MYO3B: variants seen among roughly 807,000 people sequenced by gnomAD.
MYO3B encodes the protein myosin IIIB, also known as myosin-IIIb.
A neutral mutation model predicts 174.6 loss-of-function variants in MYO3B; 156 were observed. The ratio of observed to expected loss-of-function variants is 0.89; its 90% CI spans 0.78 to 1.02. The LOEUF (loss-of-function observed/expected upper bound fraction) is 1.02, where lower values mean the gene tolerates loss of function less well. Ranked by LOEUF, MYO3B falls within the 50% of genes least tolerant of loss-of-function variation. MYO3B has a pLI of 0.00. For missense variants in MYO3B, 1,632 were observed against 1,639.4 expected, an observed-to-expected ratio of 1.00 and a Z score of 0.08; for synonymous variants, 563 against 569.1, an observed-to-expected ratio of 0.99 and a Z score of 0.15.
At chr2:170,401,440 G>A (rs1174461033) in intron 17 of MYO3B, 41 bp from the exon 18 acceptor site, 2 of 1,569,180 alleles carry the variant, frequency 1.3e-6, no homozygotes, top group East Asian at 2.2e-5. Context: ...ACTGAATGAA[G>A]GTCTGGCTAC....
intron 32 of MYO3B, among the ~76,000 whole-genome samples, chr2:170,603,337 GA>G (rs1326967440): frequency 1.3e-5 from 2 of 151,754 alleles, no homozygotes; most frequent in Non-Finnish European, 2.9e-5. Context: ...TTGCTATTTT[GA>G]AAAAAATCTA....
intron 30 of MYO3B, among the ~76,000 whole-genome samples, chr2:170,534,832 C>T (rs142382186): frequency 1.7e-3 from 253 of 152,296 alleles, no homozygotes; most frequent in African/African-American, 5.7e-3. Flanking sequence ...GACTGTATTT[C>T]ATGAAATATA....
chr2:170,363,425 G>A (rs876779), intron 8 of MYO3B, among the ~76,000 whole-genome samples: 73,545 of 151,594 alleles, frequency 0.49, 19,831 homozygotes, highest in Admixed American at 0.63. Context: ...CCGGTTTTTT[G>A]GTTATGAAAT....
intron 22 of MYO3B, among the ~76,000 whole-genome samples, chr2:170,410,480 C>T (rs977612612): frequency 4.0e-5 from 6 of 150,980 alleles, no homozygotes; most frequent in African/African-American, 1.5e-4. Flanking sequence ...ACTAGGGAGT[C>T]TGGAGCAGGA....
intron 27 of MYO3B, 125 bp downstream of exon 27, chr2:170,499,933 CCCTTCCTTCCTTCCTTCTTTCCTT>C: frequency 4.3e-6 from 3 of 696,814 alleles, no homozygotes; most frequent in Admixed American, 3.0e-5. Flanking sequence ...CTCCCTCCCT[CCCTTCCTTCCTTCCTTCTTTCCTT>C]CCTTCCTTCC....
At chr2:170,621,343 A>G (rs138119587) in intron 32 of MYO3B, among the ~76,000 whole-genome samples, 3 of 152,236 alleles carry the variant, frequency 2.0e-5, no homozygotes, top group African/African-American at 7.2e-5. Flanking sequence ...GGTACATAGT[A>G]AGGGCTCAAT....
intron 32 of MYO3B, among the ~76,000 whole-genome samples, chr2:170,615,999 T>A (rs190165455): frequency 6.6e-6 from 1 of 152,344 alleles, no homozygotes; most frequent in Admixed American, 6.5e-5. Context: ...GATAAGAATT[T>A]ACAATATAGT....
In MYO3B at chr2:170,444,002, G is replaced by T. The variant is rs753999476; in HGVS notation, c.2686G>T (p.Ala896Ser). The T allele has an allele frequency of 3.1e-6, 5 of 1,613,078 alleles. No individual in the cohort carries two copies. Among genetic ancestry groups the T allele is most frequent in the Non-Finnish European group, 4.2e-6 (5 of 1,179,292 alleles). The stretch of plus-strand genomic sequence containing the variant: ...CCAGACAAGAGCTAGGATAACAGTG[G>T]CCTCAAGTTCTTTGCCTCCACATTT... ...LAQTRARITV[A>S]SSSLPPHFSA... The change falls in exon 23 of 35, where the codon GCC becomes TCC. Residue 896 changes from alanine to serine, a missense_variant. Coordinates refer to ENST00000408978, the MANE Select transcript of MYO3B (RefSeq NM_138995.5).
chr2:170,612,590 C>T (rs770248038), intron 32 of MYO3B, among the ~76,000 whole-genome samples: 1 of 152,128 alleles, frequency 6.6e-6, no homozygotes, highest in South Asian at 2.1e-4. Context: ...AAATGAGCAA[C>T]AAGGAACAGA....
chr2:170,549,968 C>T (rs927022712), intron 32 of MYO3B, among the ~76,000 whole-genome samples: 2 of 152,114 alleles, frequency 1.3e-5, no homozygotes, highest in African/African-American at 4.8e-5. Flanking sequence ...TCTCAAAGGC[C>T]GCATAATCTC....
At chr2:170,383,472 C>T (rs561055930) in intron 11 of MYO3B, among the ~76,000 whole-genome samples, 1 of 152,248 alleles carries the variant, frequency 6.6e-6, no homozygotes, top group South Asian at 2.1e-4. Context: ...TGTTGTTAAA[C>T]CTAGTTGGCA....
intron 27 of MYO3B, among the ~76,000 whole-genome samples, chr2:170,501,284 A>T (rs1422464077): frequency 2.0e-5 from 3 of 152,020 alleles, no homozygotes; most frequent in Non-Finnish European, 4.4e-5. Context: ...CTCACAGCAA[A>T]TGACAGTGTT....
At chr2:170,573,055 G>T (rs1692544518) in intron 32 of MYO3B, among the ~76,000 whole-genome samples, 1 of 151,708 alleles carries the variant, frequency 6.6e-6, no homozygotes, top group Non-Finnish European at 1.5e-5. Context: ...TTCTTTAGAG[G>T]TACAGTATAA....
chr2:170,386,848 T>A (rs994251793), intron 13 of MYO3B, among the ~76,000 whole-genome samples: 1 of 152,270 alleles, frequency 6.6e-6, no homozygotes, highest in African/African-American at 2.4e-5. Flanking sequence ...GTTAGGTGTT[T>A]TATCTGTCAA....
At chr2:170,219,443 A>T (rs773439835) in intron 6 of MYO3B, among the ~76,000 whole-genome samples, 1 of 152,192 alleles carries the variant, frequency 6.6e-6, no homozygotes, top group Admixed American at 6.5e-5. Context: ...CAGGAGTTTG[A>T]GACCAGCCTG....
chr2:170,507,640 G>A (rs755768843), intron 28 of MYO3B, among the ~76,000 whole-genome samples: 26 of 152,184 alleles, frequency 1.7e-4, no homozygotes, highest in Non-Finnish European at 3.4e-4. Context: ...TGATCCGCAC[G>A]CCTCAGCCTC....
chr2:170,415,220 G>A (rs1430180299), intron 22 of MYO3B, among the ~76,000 whole-genome samples: 1 of 152,170 alleles, frequency 6.6e-6, no homozygotes, highest in African/African-American at 2.4e-5. Context: ...TTTTATGTAG[G>A]TGCCTTTGCA....
intron 32 of MYO3B, among the ~76,000 whole-genome samples, chr2:170,631,944 G>GCTAA (rs1697024415): frequency 6.6e-6 from 1 of 152,124 alleles, no homozygotes; most frequent in African/African-American, 2.4e-5. Flanking sequence ...AACAAGAAGA[G>GCTAA]CTAACTATCC....
At chr2:170,575,333 CA>C (rs1323044453) in intron 32 of MYO3B, among the ~76,000 whole-genome samples, 3 of 151,852 alleles carry the variant, frequency 2.0e-5, no homozygotes, top group Non-Finnish European at 4.4e-5. Flanking sequence ...TCCTCTCTAT[CA>C]GGGGTCAGCA....
Sources: gnomAD v4.1 joint callset for allele counts (sites outside exome capture counted in the v4.1 genomes callset) on GRCh38, gnomAD v4.1.1 for gene constraint, MANE v1.5 for transcripts, NCBI Gene and HGNC (gene_info 2026-07-23, HGNC 2026-07-21) for gene names.